The following SEMA3A variants were observed in gnomAD, a reference collection of about 807,000 sequenced individuals.
The protein encoded by SEMA3A is semaphorin-3A.
SEMA3A carries 29 observed loss-of-function variants against 97.9 expected under a neutral mutation model. The ratio of observed to expected loss-of-function variants is 0.30; its 90% CI spans 0.22 to 0.40. The LOEUF is 0.40. Ranked by LOEUF, SEMA3A falls within the 10% of genes least tolerant of loss-of-function variation. SEMA3A has a pLI of 1.00. For synonymous variants in SEMA3A, 321 were observed against 323.7 expected, an observed-to-expected ratio of 0.99 and a Z score of 0.09; for missense variants, 763 against 951.3, an observed-to-expected ratio of 0.80 and a Z score of 2.60.
At chr7:84,230,134 T>C (rs1799086458) in intron 3 of SEMA3A, among the ~76,000 whole-genome samples, 1 of 151,994 alleles carries the variant, frequency 6.6e-6, no homozygotes, top group South Asian at 2.1e-4. Flanking sequence ...CTCCTTCCTT[T>C]TTTATGATAT....
At chr7:84,171,278 G>A (rs1365242085) in intron 1 of SEMA3A, among the ~76,000 whole-genome samples, 2 of 152,124 alleles carry the variant, frequency 1.3e-5, no homozygotes, top group African/African-American at 2.4e-5. Flanking sequence ...TACAAAGTAG[G>A]AAGGTGGCTT....
chr7:84,236,730 A>T (rs1799243373), intron 3 of SEMA3A, among the ~76,000 whole-genome samples: 1 of 152,106 alleles, frequency 6.6e-6, no homozygotes, highest in Admixed American at 6.6e-5. Flanking sequence ...TACTCTCTTG[A>T]TCGTTTTGCC....
In SEMA3A at chr7:84,022,187, A is replaced by G. The variant is rs140035821; in HGVS notation, c.668-7836T>C. Among the ~76,000 whole-genome samples, 600 of 152,306 alleles carry G rather than the reference A, an allele frequency of 3.9e-3. 2 individuals carry two copies. Among genetic ancestry groups the G allele is most frequent in the African/African-American group, 0.014 (575 of 41,564 alleles). ...ATTCCCATTGTCCTGTGAAACTACA[A>G]GAAATTCAATAACTTGCCTTGTCAT... is the stretch of plus-strand genomic sequence containing the variant. On this transcript the variant is annotated intron_variant, in intron 6 of 16. Coordinates refer to ENST00000265362, the MANE Select transcript of SEMA3A (RefSeq NM_006080.3).
intron 3 of SEMA3A, among the ~76,000 whole-genome samples, chr7:84,213,029 T>A (rs1798667417): frequency 1.3e-5 from 2 of 152,190 alleles, no homozygotes; most frequent in South Asian, 4.1e-4. Context: ...AATGGCTCTA[T>A]CTTGGCTCAT....
In SEMA3A at chr7:84,064,271, A is replaced by G. The variant is rs372510547; in HGVS notation, c.454-3713T>C. On this transcript the variant is annotated intron_variant, in intron 4 of 16. Transcript: ENST00000265362. Reference sequence around the variant, plus strand: ...CCCTAAAAGAGCTCCTGAAGGAAGCACTAAACATGGAAAGGAACAACTGGT... The same window carrying G: ...CCCTAAAAGAGCTCCTGAAGGAAGCGCTAAACATGGAAAGGAACAACTGGT... Among the ~76,000 whole-genome samples, 14 of 152,232 alleles carry G rather than the reference A, an allele frequency of 9.2e-5. No individual in the cohort carries two copies. The East Asian group carries it at 9.7e-4, about 10-fold the overall frequency.
intron 3 of SEMA3A, among the ~76,000 whole-genome samples, chr7:84,274,348 A>G (rs1800238053): frequency 6.6e-6 from 1 of 151,990 alleles, no homozygotes; most frequent in Non-Finnish European, 1.5e-5. Flanking sequence ...GGCCCCTGAA[A>G]TTCCTAACAA....
At chr7:84,068,425 A>T (rs1373365679) in intron 4 of SEMA3A, among the ~76,000 whole-genome samples, 1 of 118,464 alleles carries the variant, frequency 8.4e-6, no homozygotes, top group Admixed American at 7.9e-5. Context: ...AAGTATAATT[A>T]AAAAAAAAAA....
At chr7:84,458,337 T>G (rs1805737391) in intron 1 of SEMA3A, among the ~76,000 whole-genome samples, 1 of 152,038 alleles carries the variant, frequency 6.6e-6, no homozygotes, top group Admixed American at 6.6e-5. Context: ...ACAAAGGAAA[T>G]TCATGTTCAA....
chr7:84,277,036 C>T (rs573161105), intron 3 of SEMA3A, among the ~76,000 whole-genome samples: 2 of 152,166 alleles, frequency 1.3e-5, no homozygotes, highest in African/African-American at 4.8e-5. Context: ...AAATGTGCTG[C>T]TTTGCCAAGT....
intron 1 of SEMA3A, among the ~76,000 whole-genome samples, chr7:84,175,815 A>G (rs2116220176): frequency 6.6e-6 from 1 of 152,240 alleles, no homozygotes; most frequent in East Asian, 1.9e-4. Flanking sequence ...GTAGATATGT[A>G]CTATTAAAAG....
intron 6 of SEMA3A, among the ~76,000 whole-genome samples, chr7:84,026,754 A>G (rs2116454150): frequency 6.6e-6 from 1 of 152,300 alleles, no homozygotes; most frequent in South Asian, 2.1e-4. Flanking sequence ...GGAACAGAAA[A>G]CCAACTACTG....
At chr7:84,249,848 T>C (rs1799565766) in intron 3 of SEMA3A, among the ~76,000 whole-genome samples, 1 of 150,460 alleles carries the variant, frequency 6.6e-6, no homozygotes, top group East Asian at 1.9e-4. Context: ...TCAAGTGAGG[T>C]AAAAAATAAG....
At chr7:84,120,362 A>T (rs1202323673) in intron 3 of SEMA3A, among the ~76,000 whole-genome samples, 5 of 152,334 alleles carry the variant, frequency 3.3e-5, no homozygotes, top group Admixed American at 3.3e-4. Context: ...ACTTGAAAAG[A>T]AATATGGACT....
chr7:84,205,301 T>A (rs1798463273), intron 3 of SEMA3A, among the ~76,000 whole-genome samples: 1 of 152,314 alleles, frequency 6.6e-6, no homozygotes, highest in Admixed American at 6.5e-5. Context: ...TTCAGAACAC[T>A]AGGGAATCCT....
At chr7:84,366,568 C>T (rs1350915157) in intron 2 of SEMA3A, among the ~76,000 whole-genome samples, 2 of 151,310 alleles carry the variant, frequency 1.3e-5, no homozygotes, top group Admixed American at 6.6e-5. Flanking sequence ...CTCACTTCAT[C>T]CTCTGTGATT....
chr7:83,988,486 C>G (rs1158202503), intron 12 of SEMA3A, among the ~76,000 whole-genome samples: 2 of 152,054 alleles, frequency 1.3e-5, no homozygotes, highest in Non-Finnish European at 2.9e-5. Flanking sequence ...CCTCAGCCTC[C>G]CAACTTTTGT....
chr7:83,994,466 G>A (rs1355190598), intron 12 of SEMA3A, among the ~76,000 whole-genome samples: 2 of 122,536 alleles, frequency 1.6e-5, no homozygotes, highest in African/African-American at 3.0e-5. Flanking sequence ...TTTGGTCTTT[G>A]ATGATGGTGA....
intron 9 of SEMA3A, among the ~76,000 whole-genome samples, chr7:84,008,790 T>C (rs967688061): frequency 6.6e-6 from 1 of 152,170 alleles, no homozygotes; most frequent in Non-Finnish European, 1.5e-5. Context: ...ATCAATTACA[T>C]ATATCACATG....
chr7:84,376,590 C>G (rs902257733), intron 1 of SEMA3A, among the ~76,000 whole-genome samples: 1 of 82,824 alleles, frequency 1.2e-5, no homozygotes, highest in African/African-American at 4.9e-5. Context: ...GGCGACAGAG[C>G]GAGACTCCGT....
Sources: gnomAD v4.1 joint callset for allele counts (sites outside exome capture counted in the v4.1 genomes callset) on GRCh38, gnomAD v4.1.1 for gene constraint, MANE v1.5 for transcripts, NCBI Gene and HGNC (gene_info 2026-07-23, HGNC 2026-07-21) for gene names.